ZNF418: variants seen among roughly 807,000 people sequenced by gnomAD.
ZNF418 encodes the protein zinc finger protein 418.
A neutral mutation model predicts 32.0 loss-of-function variants in ZNF418; 32 were observed. The ratio of observed to expected loss-of-function variants is 1.00; its 90% CI spans 0.75 to 1.34. ZNF418 has a LOEUF of 1.34. ZNF418 is among the 40% of genes most tolerant of loss of function. ZNF418 has a pLI of 0.00. For synonymous variants in ZNF418, 276 were observed against 270.7 expected (o/e 1.02, Z -0.19); for missense variants, 804 against 812.5 (o/e 0.99, Z 0.13).
intron 4 of ZNF418, among the ~76,000 whole-genome samples, chr19:57,923,539 TACACACAC>T (rs34833982): frequency 8.7e-4 from 126 of 144,088 alleles, no homozygotes; most frequent in African/African-American, 2.6e-3. Context: ...TATATATACA[TACACACAC>T]ACACACACAC....
Position 57,926,602 on chromosome 19 carries a change from G to C in ZNF418, c.1579C>G (p.Arg527Gly). 6.2e-7 allele frequency: 1 copy of C among 1,613,830 alleles called. No homozygotes were observed. The highest frequency in any genetic ancestry group is 8.5e-7 in the Non-Finnish European group (1 of 1,179,950). ...TCTCCAGTATGAACTCTCCGATGTC[G>C]AAGGAGGGAACAGCTTTGAGGAAAT... ...KSFPQSCSLL[R>G]HRRVHTGERP... Residue 527 changes from arginine to glycine, a missense_variant, in exon 4 of 6, where the codon CGA becomes GGA. This residue lies in a region of ZNF418 where 475 missense variants were observed against 458.6 expected (regional missense o/e 1.04). Transcript: ENST00000396147.
intron 1 of ZNF418, chr19:57,934,864 C>T (rs1188004994): frequency 2.3e-6 from 1 of 432,626 alleles, no homozygotes; most frequent in Non-Finnish European, 3.8e-6. Flanking sequence ...ATACACAGCC[C>T]CCAGCCTGCT....
At chr19:57,935,030 C>T (rs532611025) in intron 1 of ZNF418, 131 bp downstream of exon 1, 2 of 1,404,010 alleles carry the variant, frequency 1.4e-6, no homozygotes, top group Middle Eastern at 1.9e-4. Flanking sequence ...GAAACAAGGA[C>T]CTCTCCCGCG....
Position 57,926,538 on chromosome 19 carries a change from T to C in ZNF418, c.1643A>G (p.His548Arg). Residue 548 changes from histidine to arginine, a missense_variant, in exon 4 of 6, where the codon CAT becomes CGT. Physicochemically the swap from His to Arg is conservative, Grantham distance 29. Transcript: ENST00000396147. ...YECGECGKSF[H>R]QSSSLLRHQK... ...ATGTCGAAGGAGGGAAGAGCTCTGA[T>C]GAAATGACTTTCCACATTCTCCACA... 6.2e-7 allele frequency: 1 copy of C among 1,613,970 alleles called. No individual in the cohort carries two copies. The highest frequency in any genetic ancestry group is 8.5e-7 in the Non-Finnish European group (1 of 1,180,010).
In ZNF418 at chr19:57,927,008, A is replaced by T. The variant is rs764193383; in HGVS notation, c.1173T>A (p.Val391=). ...QKGTLTEHHR[V]HTRERPYECG... The stretch of plus-strand genomic sequence containing the variant: ...ACTCATAAGGTCGTTCTCTAGTGTG[A>T]ACTCGATGATGTTCAGTTAGGGTGC... Residue 391 remains valine, a synonymous_variant, in exon 4 of 6, where the codon GTT becomes GTA. Coordinates refer to ENST00000396147, the MANE Select transcript of ZNF418 (RefSeq NM_133460.3). 1.2e-6 allele frequency: 2 copies of T among 1,614,144 alleles called. No individual in the cohort carries two copies. Among genetic ancestry groups the T allele is most frequent in the Non-Finnish European group, 1.7e-6 (2 of 1,180,034 alleles).
chr19:57,932,781 C>T (rs1288134429), intron 2 of ZNF418: 3 of 459,506 alleles, frequency 6.5e-6, no homozygotes, highest in Non-Finnish European at 1.1e-5. Flanking sequence ...TGAAAACCCC[C>T]AAGCACCAAC....
intron 3 of ZNF418, among the ~76,000 whole-genome samples, chr19:57,929,048 C>A (rs893549144): frequency 1.4e-4 from 21 of 152,096 alleles, no homozygotes; most frequent in African/African-American, 5.1e-4. Flanking sequence ...CTTGCTAATA[C>A]ACAATGTGTA....
At chr19:57,925,542 C>T (rs2072185526) in intron 4 of ZNF418, 81 bp downstream of exon 4, 1 of 153,398 alleles carries the variant, frequency 6.5e-6, no homozygotes, top group Non-Finnish European at 1.5e-5. Context: ...CAGAAGACCC[C>T]TCTGGACCAG....
chr19:57,928,597 G>A (rs1417037252), intron 3 of ZNF418, among the ~76,000 whole-genome samples: 6 of 152,092 alleles, frequency 3.9e-5, no homozygotes, highest in South Asian at 2.1e-4. Flanking sequence ...ACTTGTCTGC[G>A]GGAAATTATC....
At chr19:57,931,969 G>C (rs918458725) in intron 2 of ZNF418, among the ~76,000 whole-genome samples, 2 of 152,224 alleles carry the variant, frequency 1.3e-5, no homozygotes, top group Non-Finnish European at 2.9e-5. Flanking sequence ...TGACACCTGA[G>C]ACTGTACATA....
chr19:57,934,634 G>A (rs2072620540), intron 1 of ZNF418, among the ~76,000 whole-genome samples: 1 of 152,190 alleles, frequency 6.6e-6, no homozygotes, highest in South Asian at 2.1e-4. Flanking sequence ...GCTGGAGCCA[G>A]GTGACCTCAG....
At chr19:57,930,088 T>A (rs2072420340) in intron 3 of ZNF418, among the ~76,000 whole-genome samples, 1 of 152,092 alleles carries the variant, frequency 6.6e-6, no homozygotes, top group African/African-American at 2.4e-5. Flanking sequence ...TAATGTCAGC[T>A]AAAGGAAGGA....
chr19:57,932,776 A>C, intron 2 of ZNF418: 2 of 462,784 alleles, frequency 4.3e-6, no homozygotes, highest in South Asian at 3.1e-5. Context: ...CCGAATGAAA[A>C]CCCCCAAGCA....
chr19:57,932,784 G>A (rs1245933600), intron 2 of ZNF418: 5 of 452,260 alleles, frequency 1.1e-5, no homozygotes, highest in Non-Finnish European at 1.8e-5. Flanking sequence ...AAACCCCCAA[G>A]CACCAACAAA....
At chr19:57,932,351 T>C in intron 2 of ZNF418, 1 of 1,397,216 alleles carries the variant, frequency 7.2e-7, no homozygotes, top group Admixed American at 2.0e-5. Context: ...CATTGGCCTT[T>C]CATTTTCGGC....
intron 2 of ZNF418, among the ~76,000 whole-genome samples, chr19:57,931,451 C>T (rs1275480717): frequency 6.6e-6 from 1 of 152,210 alleles, no homozygotes. Context: ...ATCCACCCAC[C>T]TCGGCCTCCC....
At position 57,935,189 on chromosome 19, in the gene ZNF418, G is replaced by A. The variant is rs1320220469; in HGVS notation, c.-109C>T. The A allele has an allele frequency of 2.3e-6, 3 of 1,301,870 alleles. No individual in the cohort carries two copies. The highest frequency in any genetic ancestry group is 2.8e-5 in the South Asian group (2 of 72,242). 80.6% of individuals were successfully genotyped at this position (1,301,870 alleles called of 1,614,324 possible). A position where few individuals can be genotyped will look rare whatever the true frequency, so the allele number is the denominator to read the frequency against. ...AGCCGGGAGCCTCAGCGCGGCCGCC[G>A]CCATCCCGAGTACGCGGGGAAAGCA... is the stretch of plus-strand genomic sequence containing the variant. On this transcript the variant is annotated 5_prime_UTR_variant, in exon 1 of 6. Transcript: ENST00000396147.
chr19:57,933,879 C>G lies in ZNF418; in HGVS notation c.-57G>C. 1 of 1,613,916 alleles carries G rather than the reference C, an allele frequency of 6.2e-7. No homozygotes were observed. Among genetic ancestry groups the G allele is most frequent in the Non-Finnish European group, 8.5e-7 (1 of 1,180,028 alleles). ...CCTCCTCCCTCAAACACAGTGTGTT[C>G]TCTTCTTTGCAGCCAGATGATGCCT... On this transcript the variant is annotated 5_prime_UTR_variant, in exon 2 of 6. Transcript: ENST00000396147.
chr19:57,923,447 T>C (rs1034463308), intron 4 of ZNF418, among the ~76,000 whole-genome samples, 158 bp from the exon 5 acceptor site: 5 of 151,048 alleles, frequency 3.3e-5, no homozygotes, highest in South Asian at 2.1e-4. Flanking sequence ...CACATACATA[T>C]ATACACACAT....
Sources: allele counts gnomAD v4.1 joint callset (sites outside exome capture counted in the v4.1 genomes callset), GRCh38; gene constraint gnomAD v4.1.1; regional missense constraint gnomAD v4.1.1; transcripts MANE v1.5; gene names NCBI Gene and HGNC (gene_info 2026-07-23, HGNC 2026-07-21).